Variants in NALCN observed in about 807,000 individuals in gnomAD.
NALCN encodes the protein sodium leak channel, non-selective, also known as sodium leak channel NALCN.
Under a neutral mutation model 225.3 loss-of-function variants are expected in NALCN, and 111 were observed. The ratio of observed to expected loss-of-function variants is 0.49; its 90% CI spans 0.42 to 0.58. The LOEUF is 0.58. Among genes scored for constraint, NALCN ranks in the 20% least tolerant of loss-of-function variants. The pLI, the probability that NALCN is intolerant of heterozygous loss-of-function variation, is 0.00. For missense variants in NALCN, 1,378 were observed against 2,202.4 expected, an observed-to-expected ratio of 0.63 and a Z score of 7.49; for synonymous variants, 764 against 769.0, an observed-to-expected ratio of 0.99 and a Z score of 0.11.
At position 101,386,922 on chromosome 13, in the gene NALCN, T is replaced by C. The variant is rs117864260; in HGVS notation, c.291+8261A>G. ...ATACTTTTATGCATGGAAAAGACTC[T>C]TTAAAAAATAACAGGTTGGCCAGGC... On this transcript the variant is annotated intron_variant, in intron 3 of 43. Transcript: ENST00000251127. 2.6e-3 allele frequency among the ~76,000 whole-genome samples: 396 copies of C among 152,240 alleles called. 12 individuals carry two copies. The East Asian group carries it at 0.07, about 27-fold the overall frequency.
chr13:101,384,279 G>T (rs571734522), intron 3 of NALCN, among the ~76,000 whole-genome samples: 1 of 152,234 alleles, frequency 6.6e-6, no homozygotes, highest in Admixed American at 6.5e-5. Flanking sequence ...AACAAGAAAT[G>T]GAGGGCAGAG....
rs372021991 is a variant in NALCN at position 101,100,910 on chromosome 13, T to C, written c.3058-22A>G. The C allele has an allele frequency of 1.9e-6, 3 of 1,583,436 alleles. No individual in the cohort carries two copies. The African/African-American group carries it at 4.1e-5, about 22-fold the overall frequency. ...AGACCTGAAAGAAATTGATGAAATGTTAAATCTCTTGTTAAAGACTAAATA... is the reference window on the plus strand; with the variant it reads ...AGACCTGAAAGAAATTGATGAAATGCTAAATCTCTTGTTAAAGACTAAATA... On this transcript the variant is annotated intron_variant, in intron 26 of 43. Transcript: ENST00000251127.
At chr13:101,145,822 C>G (rs1459301227) in intron 15 of NALCN, among the ~76,000 whole-genome samples, 1 of 152,110 alleles carries the variant, frequency 6.6e-6, no homozygotes, top group Non-Finnish European at 1.5e-5. Flanking sequence ...AACACTGATG[C>G]CTTTCAAAGA....
chr13:101,095,584 G>A lies in NALCN; in HGVS notation c.3259C>T (p.Pro1087Ser), dbSNP rs1455877763. 5 of 1,611,728 alleles carry A rather than the reference G, an allele frequency of 3.1e-6. No homozygotes were observed. Among genetic ancestry groups the A allele is most frequent in the Non-Finnish European group, 4.2e-6 (5 of 1,179,008 alleles). The change falls in exon 28 of 44, where the codon CCC becomes TCC. Residue 1087 changes from proline (P) to serine (S), a missense_variant. This residue lies in a region of NALCN where 292 missense variants were observed against 409.5 expected (regional missense o/e 0.71). Transcript: ENST00000251127. ...PGEKKPGFWV[P>S]RVWANPRNFN... ...TTATGATATACTTACCAAACACGGG[G>A]CACCCAAAATCCAGGTTTTTTCTCT...
intron 7 of NALCN, among the ~76,000 whole-genome samples, chr13:101,332,416 A>AAAAAAAAG (rs1566585402): frequency 1.3e-5 from 2 of 149,138 alleles, no homozygotes; most frequent in African/African-American, 5.0e-5. Context: ...AAAAAAAAAA[A>AAAAAAAAG]AAAAGGAAAG....
rs1291126696 is a variant in NALCN, at chr13:101,242,247, G to A, written c.1267-4325C>T. Among the ~76,000 whole-genome samples, 2 of 105,448 alleles carry A rather than the reference G, an allele frequency of 1.9e-5. 1 individual carries two copies. Among genetic ancestry groups the A allele is most frequent in the Admixed American group, 1.8e-4 (2 of 11,156 alleles). 69.2% of individuals were successfully genotyped at this position (105,448 alleles called of 152,430 possible). A position where few individuals can be genotyped will look rare whatever the true frequency, so the allele number is the denominator to read the frequency against. On this transcript the variant is annotated intron_variant, in intron 11 of 43. Coordinates refer to ENST00000251127, the MANE Select transcript of NALCN (RefSeq NM_052867.4). Reference sequence around the variant, plus strand: ...GTGCCAAAGTTATACTTGGTCTTACGCTTCCTGTGTATTTTATGTCATTGC... The same window carrying A: ...GTGCCAAAGTTATACTTGGTCTTACACTTCCTGTGTATTTTATGTCATTGC...
chr13:101,376,209 T>G (rs1241447247), intron 6 of NALCN, among the ~76,000 whole-genome samples: 2 of 152,112 alleles, frequency 1.3e-5, no homozygotes, highest in Admixed American at 6.6e-5. Context: ...ACAGTGAAGC[T>G]CTAGGTTTAT....
chr13:101,350,572 C>T (rs2045879657), intron 6 of NALCN, among the ~76,000 whole-genome samples: 1 of 152,180 alleles, frequency 6.6e-6, no homozygotes, highest in Middle Eastern at 3.4e-3. Context: ...CTCAACTGTT[C>T]CTTAGTGTAA....
At chr13:101,149,099 C>A (rs973911515) in intron 15 of NALCN, among the ~76,000 whole-genome samples, 14 of 152,142 alleles carry the variant, frequency 9.2e-5, no homozygotes, top group African/African-American at 3.1e-4. Context: ...CGAGACCATC[C>A]TGGCTAACAC....
At chr13:101,205,721 C>A (rs965309578) in intron 13 of NALCN, among the ~76,000 whole-genome samples, 1 of 152,028 alleles carries the variant, frequency 6.6e-6, no homozygotes, top group African/African-American at 2.4e-5. Context: ...TAATGTCAGC[C>A]ATATTACATT....
At chr13:101,302,713 T>C (rs1643998100) in intron 7 of NALCN, among the ~76,000 whole-genome samples, 1 of 152,166 alleles carries the variant, frequency 6.6e-6, no homozygotes, top group African/African-American at 2.4e-5. Context: ...AAATGTTAAC[T>C]AACTGCTAAA....
chr13:101,304,697 T>C (rs1765948), intron 7 of NALCN, among the ~76,000 whole-genome samples: 81,240 of 151,272 alleles, frequency 0.54, 22,109 homozygotes, highest in African/African-American at 0.62. Context: ...CTTGGCCACC[T>C]AAAGTGTTGG....
intron 15 of NALCN, among the ~76,000 whole-genome samples, chr13:101,153,582 C>T (rs1484557039): frequency 6.6e-6 from 1 of 152,186 alleles, no homozygotes; most frequent in Non-Finnish European, 1.5e-5. Context: ...CTTACAGCAC[C>T]ATTATATCGC....
At chr13:101,257,476 CA>C (rs2042277721) in intron 11 of NALCN, among the ~76,000 whole-genome samples, 1 of 151,942 alleles carries the variant, frequency 6.6e-6, no homozygotes, top group Non-Finnish European at 1.5e-5. Flanking sequence ...TTTTATTAAC[CA>C]AATCAATTTT....
Position 101,297,707 on chromosome 13 carries a change from C to G in NALCN, c.800-5341G>C, listed in dbSNP as rs16958793. 5.5e-3 allele frequency among the ~76,000 whole-genome samples: 844 copies of G among 152,346 alleles called. 6 individuals are homozygous for G. Among genetic ancestry groups the G allele is most frequent in the African/African-American group, 0.018 (764 of 41,578 alleles). Reference sequence around the variant, plus strand: ...TTGTGTTACTCGGGTCATCCTGCTACAGGTGCTTGTTTTCTTATCTGGTCC... The same window carrying G: ...TTGTGTTACTCGGGTCATCCTGCTAGAGGTGCTTGTTTTCTTATCTGGTCC... On this transcript the variant is annotated intron_variant, in intron 7 of 43. Transcript: ENST00000251127.
At chr13:101,318,279 T>C (rs2044625950) in intron 7 of NALCN, among the ~76,000 whole-genome samples, 2 of 151,714 alleles carry the variant, frequency 1.3e-5, no homozygotes, top group African/African-American at 4.8e-5. Context: ...GGTGCATGAG[T>C]GAGTGAGCAT....
chr13:101,066,695 C>T (rs1168623438), intron 39 of NALCN, among the ~76,000 whole-genome samples: 1 of 152,134 alleles, frequency 6.6e-6, no homozygotes, highest in Non-Finnish European at 1.5e-5. Context: ...CTCTCACTAC[C>T]TTGAAAGGAA....
Position 101,055,370 on chromosome 13 carries a change from A to G in NALCN, c.5142T>C (p.Ser1714=). Residue 1714 remains serine (S), a synonymous_variant, in exon 44 of 44, where the codon TCT becomes TCC. Transcript: ENST00000251127. ...GCCGGGTCCACCACTTCTTAACTTC[A>G]GAACCGCAGGAAGCCGCGTCAGTCA... ...NPMTDAASCG[S]EVKKWWTRQL... 6.2e-7 allele frequency: 1 copy of G among 1,614,174 alleles called. No homozygotes were observed. The highest frequency in any genetic ancestry group is 8.5e-7 in the Non-Finnish European group (1 of 1,180,012).
rs538283647 is a variant in NALCN, at chr13:101,194,063, G to GT, written c.1627-2010dup. The stretch of plus-strand genomic sequence containing the variant: ...ATTTTGGTATCTGGAGACTAAAAAT[G>GT]TAAGTGCACCTTTCAGCTGTCTTGG... On this transcript the variant is annotated intron_variant, in intron 13 of 43. Transcript: ENST00000251127. Among the ~76,000 whole-genome samples, 743 of 152,304 alleles carry GT rather than the reference G, an allele frequency of 4.9e-3. 27 individuals are homozygous for GT. Among genetic ancestry groups the GT allele is most frequent in the Admixed American group, 0.034 (514 of 15,290 alleles).
Sources: gnomAD v4.1 joint callset for allele counts (sites outside exome capture counted in the v4.1 genomes callset) on GRCh38, gnomAD v4.1.1 for gene constraint, gnomAD v4.1.1 regional missense constraint, MANE v1.5 for transcripts, NCBI Gene and HGNC (gene_info 2026-07-23, HGNC 2026-07-21) for gene names.